Variants in CRYL1 observed in about 807,000 individuals in gnomAD.
CRYL1 encodes lambda-crystallin homolog.
A neutral mutation model predicts 36.6 loss-of-function variants in CRYL1; 29 were observed. That is an observed-to-expected ratio of 0.79 (90% CI 0.59 to 1.08). The LOEUF (loss-of-function observed/expected upper bound fraction) is 1.08, where lower values mean the gene tolerates loss of function less well. CRYL1 is among the 50% of genes least tolerant of loss of function. The pLI is 0.00. For synonymous variants in CRYL1, 152 were observed against 151.5 expected (o/e 1.00, Z -0.02); for missense variants, 411 against 407.9 (o/e 1.01, Z -0.06).
chr13:20,510,275 G>A (rs2137506779), intron 2 of CRYL1, among the ~76,000 whole-genome samples: 1 of 152,274 alleles, frequency 6.6e-6, no homozygotes, highest in Middle Eastern at 3.4e-3. Flanking sequence ...TCTTCAGTGG[G>A]TGAATAGATA....
At chr13:20,507,234 G>A in intron 2 of CRYL1, among the ~76,000 whole-genome samples, 1 of 152,098 alleles carries the variant, frequency 6.6e-6, no homozygotes, top group Non-Finnish European at 1.5e-5. Context: ...TTAAACAGTT[G>A]GGAAAATTTT....
At chr13:20,428,991 C>T (rs1465587578) in intron 5 of CRYL1, among the ~76,000 whole-genome samples, 1 of 152,154 alleles carries the variant, frequency 6.6e-6, no homozygotes, top group Non-Finnish European at 1.5e-5. Context: ...GCTTTATGAG[C>T]CCAGAGGATC....
At chr13:20,460,255 A>G (rs2032779159) in intron 3 of CRYL1, among the ~76,000 whole-genome samples, 1 of 152,116 alleles carries the variant, frequency 6.6e-6, no homozygotes, top group Non-Finnish European at 1.5e-5. Flanking sequence ...ATATATGTAT[A>G]TGTGTGTGTG....
chr13:20,457,685 G>T (rs2032719582), intron 3 of CRYL1, among the ~76,000 whole-genome samples: 1 of 152,132 alleles, frequency 6.6e-6, no homozygotes, highest in Non-Finnish European at 1.5e-5. Context: ...TATAAACCTG[G>T]TCATTCAGCT....
chr13:20,407,038 G>A (rs898811825), intron 6 of CRYL1, among the ~76,000 whole-genome samples: 3 of 148,184 alleles, frequency 2.0e-5, no homozygotes, highest in South Asian at 2.2e-4. Flanking sequence ...CCTTTGTAAC[G>A]TTTTAAAGGG....
At chr13:20,498,299 TAC>T (rs1190587469) in intron 2 of CRYL1, among the ~76,000 whole-genome samples, 1 of 150,658 alleles carries the variant, frequency 6.6e-6, no homozygotes, top group African/African-American at 2.4e-5. Context: ...CCATACACAC[TAC>T]ACACACTCCA....
intron 5 of CRYL1, among the ~76,000 whole-genome samples, chr13:20,422,282 C>A (rs997709363): frequency 2.0e-5 from 3 of 151,610 alleles, no homozygotes; most frequent in African/African-American, 7.3e-5. Flanking sequence ...AGCCTTTGAA[C>A]CTGGGAGATG....
At chr13:20,443,366 A>G (rs1163369700) in intron 3 of CRYL1, among the ~76,000 whole-genome samples, 1 of 152,142 alleles carries the variant, frequency 6.6e-6, no homozygotes. Flanking sequence ...TTGTTTTTAA[A>G]TCCACCCAGG....
At chr13:20,458,493 T>G (rs2032734243) in intron 3 of CRYL1, among the ~76,000 whole-genome samples, 1 of 152,234 alleles carries the variant, frequency 6.6e-6, no homozygotes, top group African/African-American at 2.4e-5. Context: ...ATTCTAAATT[T>G]TCTAGTGGCC....
At chr13:20,479,798 T>A (rs975449814) in intron 3 of CRYL1, among the ~76,000 whole-genome samples, 1 of 152,206 alleles carries the variant, frequency 6.6e-6, no homozygotes, top group Non-Finnish European at 1.5e-5. Context: ...AGGGTTTCTG[T>A]CCTAAAGAAC....
chr13:20,524,858 T>C (rs2034160676), intron 1 of CRYL1, among the ~76,000 whole-genome samples: 1 of 151,818 alleles, frequency 6.6e-6, no homozygotes, highest in Admixed American at 6.6e-5. Context: ...CACCGGGTTG[T>C]ACACTGATGG....
At chr13:20,524,445 T>G (rs2034153075) in intron 1 of CRYL1, among the ~76,000 whole-genome samples, 1 of 151,778 alleles carries the variant, frequency 6.6e-6, no homozygotes. Context: ...TGGCACCATC[T>G]CGGCTCACCG....
intron 3 of CRYL1, among the ~76,000 whole-genome samples, chr13:20,462,273 C>T (rs1341418480): frequency 4.6e-5 from 7 of 151,474 alleles, no homozygotes; most frequent in African/African-American, 4.9e-5. Context: ...GCCCTGGGGG[C>T]GCCCAGGGGA....
At chr13:20,512,343 G>A (rs1341282158) in intron 2 of CRYL1, 100 bp downstream of exon 2, 2 of 824,554 alleles carry the variant, frequency 2.4e-6, no homozygotes, top group Non-Finnish European at 4.0e-6. Flanking sequence ...ACGAAAATGT[G>A]ACATCACAGA....
chr13:20,499,270 CA>C (rs761990787), intron 2 of CRYL1, among the ~76,000 whole-genome samples: 19 of 149,538 alleles, frequency 1.3e-4, no homozygotes, highest in Non-Finnish European at 2.2e-4. Flanking sequence ...TGCTTGAGCC[CA>C]GGGGGCAGAG....
chr13:20,508,873 A>C (rs2033857748), intron 2 of CRYL1, among the ~76,000 whole-genome samples: 2 of 14,884 alleles, frequency 1.3e-4, no homozygotes, highest in African/African-American at 2.4e-4. Flanking sequence ...AAAAAAAAAA[A>C]AACAAAAAAA....
At chr13:20,420,700 G>GTGTTTTTTTTTT in intron 5 of CRYL1, among the ~76,000 whole-genome samples, 1 of 36,470 alleles carries the variant, frequency 2.7e-5, no homozygotes, top group Admixed American at 3.3e-4. Context: ...TAAAATAGAG[G>GTGTTTTTTTTTT]TTGTGTGTGT....
At chr13:20,449,933 GA>G (rs1438493121) in intron 3 of CRYL1, among the ~76,000 whole-genome samples, 1 of 152,070 alleles carries the variant, frequency 6.6e-6, no homozygotes, top group Non-Finnish European at 1.5e-5. Context: ...ACTGCCACAA[GA>G]AATCACAGAT....
intron 1 of CRYL1, among the ~76,000 whole-genome samples, chr13:20,522,589 A>G (rs1206153628): frequency 6.6e-6 from 1 of 152,170 alleles, no homozygotes; most frequent in Non-Finnish European, 1.5e-5. Context: ...TACAAATGGC[A>G]ACAATACAGT....
Sources: allele counts gnomAD v4.1 joint callset (sites outside exome capture counted in the v4.1 genomes callset), GRCh38; gene constraint gnomAD v4.1.1; transcripts MANE v1.5; gene names NCBI Gene and HGNC (gene_info 2026-07-23, HGNC 2026-07-21).